CDR2: variants seen among roughly 807,000 people sequenced by gnomAD.
CDR2 encodes cerebellar degeneration-related protein 2.
Under a neutral mutation model 48.4 loss-of-function variants are expected in CDR2, and 34 were observed. The observed-to-expected ratio is 0.70, with a 90% CI of 0.53 to 0.94. CDR2 has a LOEUF of 0.94. Ranked by LOEUF, CDR2 falls within the 40% of genes least tolerant of loss-of-function variation. The probability of loss-of-function intolerance (pLI) is 0.00; values close to 1 mark genes in which losing one functional copy is unlikely to be tolerated. For synonymous variants in CDR2, 240 were observed against 219.7 expected (o/e 1.09, Z -0.82); for missense variants, 498 against 549.5 (o/e 0.91, Z 0.94).
intron 2 of CDR2, among the ~76,000 whole-genome samples, chr16:22,361,667 TATAAAA>T (rs903531500): frequency 1.6e-4 from 24 of 152,092 alleles, no homozygotes; most frequent in Admixed American, 5.2e-4. Context: ...TGAAGCAACT[TATAAAA>T]GGAAAGAAAA....
At chr16:22,357,269 G>C (rs938127612) in intron 2 of CDR2, among the ~76,000 whole-genome samples, 3 of 152,110 alleles carry the variant, frequency 2.0e-5, no homozygotes, top group African/African-American at 4.8e-5. Context: ...GGCTGGTCTT[G>C]AACTCCTGAC....
chr16:22,364,443 G>A (rs2049031656), intron 2 of CDR2, among the ~76,000 whole-genome samples: 1 of 152,070 alleles, frequency 6.6e-6, no homozygotes, highest in Admixed American at 6.5e-5. Flanking sequence ...TCACCAAGGA[G>A]GAGGTATAAG....
intron 1 of CDR2, among the ~76,000 whole-genome samples, chr16:22,370,184 G>A (rs1183289007): frequency 6.6e-6 from 1 of 152,194 alleles, no homozygotes; most frequent in Non-Finnish European, 1.5e-5. Flanking sequence ...CTAACAGTAA[G>A]GCTGAAAGTT....
chr16:22,347,553 C>G lies in CDR2; in HGVS notation c.777G>C (p.Gln259His), dbSNP rs1166515048. The G allele has an allele frequency of 8.1e-6, 13 of 1,614,036 alleles. No homozygotes were observed. The highest frequency in any genetic ancestry group is 1.0e-5 in the Non-Finnish European group (12 of 1,180,046). The change falls in exon 5 of 5, where the codon CAG (glutamine) becomes CAC (histidine). Residue 259 changes from glutamine to histidine, a missense_variant. Coordinates refer to ENST00000268383, the MANE Select transcript of CDR2 (RefSeq NM_001802.2). The part of the protein sequence containing the change: ...ELEAEVAEMR[Q>H]MLQSEHPFVN... ...CAAATGGATGCTCTGACTGCAACAT[C>G]TGTCGCATCTCTGCCACCTCGGCCT...
At chr16:22,364,848 T>A (rs768105551) in intron 2 of CDR2, 54 bp downstream of exon 2, 50 of 1,027,534 alleles carry the variant, frequency 4.9e-5, no homozygotes, top group Non-Finnish European at 7.2e-5. Flanking sequence ...GTGATTGGCA[T>A]AACAGCAACA....
intron 2 of CDR2, among the ~76,000 whole-genome samples, chr16:22,354,726 T>TAAA (rs755319252): frequency 7.6e-6 from 1 of 132,250 alleles, no homozygotes. Flanking sequence ...CATCTCTACT[T>TAAA]AAAAAAAAAA....
At chr16:22,350,442 T>C (rs1314731183) in intron 2 of CDR2, among the ~76,000 whole-genome samples, 5 of 152,026 alleles carry the variant, frequency 3.3e-5, no homozygotes, top group Admixed American at 2.6e-4. Context: ...TATCCAGAGG[T>C]TGTGGGGCTG....
chr16:22,374,385 C>G lies in CDR2; in HGVS notation c.-76G>C. On this transcript the variant is annotated 5_prime_UTR_variant, in exon 1 of 5. Transcript: ENST00000268383. Reference sequence around the variant, plus strand: ...CCGCTGCCCCGGGCTCTTCCCCGGCCCCTCCGCCCTCAGCCAGAGCCGCCC... The same window carrying G: ...CCGCTGCCCCGGGCTCTTCCCCGGCGCCTCCGCCCTCAGCCAGAGCCGCCC... 1 of 980,818 alleles carries G rather than the reference C, an allele frequency of 1.0e-6. No homozygotes were observed. Among genetic ancestry groups the G allele is most frequent in the Non-Finnish European group, 1.5e-6 (1 of 670,052 alleles). 60.8% of individuals were successfully genotyped at this position (980,818 alleles called of 1,614,324 possible).
intron 2 of CDR2, among the ~76,000 whole-genome samples, chr16:22,353,411 A>G (rs1319231792): frequency 6.6e-6 from 1 of 152,150 alleles, no homozygotes; most frequent in African/African-American, 2.4e-5. Flanking sequence ...CAGCAAGCAC[A>G]TTTTTCTAAT....
chr16:22,363,844 C>T (rs915204466), intron 2 of CDR2, among the ~76,000 whole-genome samples: 5 of 152,140 alleles, frequency 3.3e-5, no homozygotes, highest in Admixed American at 2.0e-4. Context: ...TTGAAGGGGA[C>T]TATTTATAAG....
At chr16:22,354,126 T>C (rs1275897943) in intron 2 of CDR2, among the ~76,000 whole-genome samples, 1 of 152,164 alleles carries the variant, frequency 6.6e-6, no homozygotes, top group East Asian at 1.9e-4. Context: ...CTGGGTCCCT[T>C]CCCCTCAAAC....
chr16:22,372,275 G>A (rs910313766), intron 1 of CDR2, among the ~76,000 whole-genome samples: 1 of 152,148 alleles, frequency 6.6e-6, no homozygotes, highest in Non-Finnish European at 1.5e-5. Flanking sequence ...CTTGCTGCTC[G>A]GTAGATTGAA....
intron 2 of CDR2, among the ~76,000 whole-genome samples, chr16:22,356,446 C>T (rs533660947): frequency 2.0e-5 from 3 of 152,046 alleles, no homozygotes; most frequent in Admixed American, 6.6e-5. Flanking sequence ...GGCAAAACCC[C>T]GTCTCTACTA....
At chr16:22,368,102 A>G (rs1204016921) in intron 1 of CDR2, among the ~76,000 whole-genome samples, 1 of 152,218 alleles carries the variant, frequency 6.6e-6, no homozygotes, top group East Asian at 1.9e-4. Context: ...AAAAATAAAA[A>G]ATAAAGACTT....
chr16:22,347,240 G>T lies in CDR2; in HGVS notation c.1090C>A (p.Leu364Met). The change falls in exon 5 of 5, where the codon CTG becomes ATG. Residue 364 changes from leucine (L) to methionine (M), a missense_variant. Physicochemically the swap from Leu to Met is conservative, Grantham distance 15 (BLOSUM62 2). Transcript: ENST00000268383. ...TCCTGTTCCTCTTGGCACTTCTTCA[G>T]CAACTCTTCATACTTCACCTTCAGG... Reference protein sequence around the residue: ...SALKVKYEELLKKCQEEQDSL... With the variant: ...SALKVKYEELMKKCQEEQDSL... 1 of 1,614,184 alleles carries T rather than the reference G, an allele frequency of 6.2e-7. No homozygotes were observed.
At chr16:22,371,209 CAAA>C (rs895202260) in intron 1 of CDR2, among the ~76,000 whole-genome samples, 1 of 117,172 alleles carries the variant, frequency 8.5e-6, no homozygotes. Flanking sequence ...GACTCCACCT[CAAA>C]AAAAAAAAAA....
chr16:22,346,305 C>T lies in CDR2; in HGVS notation c.*660G>A, dbSNP rs2048903652. On this transcript the variant is annotated 3_prime_UTR_variant, in exon 5 of 5. Transcript: ENST00000268383. ...ATTAGAATACAGGGATGGAGGCCCT[C>T]TAGGGCATATGCTAACAAGCTAACT... The T allele has an allele frequency of 6.5e-6, 1 of 152,852 alleles. No homozygotes were observed. The highest frequency in any genetic ancestry group is 1.5e-5 in the Non-Finnish European group (1 of 68,214). The allele number at this position is 152,852 out of a possible 1,614,324, so 9.5% of individuals were successfully genotyped here. A position where few individuals can be genotyped will look rare whatever the true frequency, so the allele number is the denominator to read the frequency against.
At chr16:22,361,984 C>T (rs2049013549) in intron 2 of CDR2, among the ~76,000 whole-genome samples, 1 of 146,458 alleles carries the variant, frequency 6.8e-6, no homozygotes, top group Non-Finnish European at 1.5e-5. Context: ...TCACTGCAAG[C>T]TCCGCCTCCC....
At position 22,364,550 on chromosome 16, in the gene CDR2, ATTCTGTAT is replaced by A. The variant is rs1257663503; in HGVS notation, c.192+344_192+351del. On this transcript the variant is annotated intron_variant, in intron 2 of 4. Coordinates refer to ENST00000268383, the MANE Select transcript of CDR2 (RefSeq NM_001802.2). ...ATTCACTGTATTGTTCTCTTACCCC[ATTCTGTAT>A]ATCTTAAATATTGCATGTTTTAGGC... 1.3e-4 allele frequency among the ~76,000 whole-genome samples: 20 copies of A among 152,090 alleles called. 1 individual carries two copies. Among genetic ancestry groups the A allele is most frequent in the Admixed American group, 1.3e-3 (20 of 15,244 alleles).
Sources: gnomAD v4.1 joint callset for allele counts (sites outside exome capture counted in the v4.1 genomes callset) on GRCh38, gnomAD v4.1.1 for gene constraint, MANE v1.5 for transcripts, NCBI Gene and HGNC (gene_info 2026-07-23, HGNC 2026-07-21) for gene names.